Variants in SYNPR observed in about 807,000 individuals in gnomAD.
SYNPR encodes synaptoporin.
Under a neutral mutation model 32.9 loss-of-function variants are expected in SYNPR, and 23 were observed. That is an observed-to-expected ratio of 0.70 (90% CI 0.50 to 0.99). The LOEUF (loss-of-function observed/expected upper bound fraction) is 0.99. Ranked by LOEUF, SYNPR falls within the 50% of genes least tolerant of loss-of-function variation. The pLI is 0.00. For missense variants in SYNPR, 318 were observed against 349.3 expected (o/e 0.91, Z 0.71); for synonymous variants, 146 against 135.9 (o/e 1.07, Z -0.52).
chr3:63,272,550 T>C (rs1369426490), intron 3 of SYNPR, among the ~76,000 whole-genome samples: 4 of 150,626 alleles, frequency 2.7e-5, no homozygotes, highest in African/African-American at 9.8e-5. Flanking sequence ...AAATTGTCCC[T>C]TGTGGTCTTA....
At chr3:63,504,901 G>A (rs1701557344) in intron 3 of SYNPR, among the ~76,000 whole-genome samples, 1 of 152,058 alleles carries the variant, frequency 6.6e-6, no homozygotes, top group Non-Finnish European at 1.5e-5. Context: ...GTGGACAGAG[G>A]GATGTAGGGG....
intron 4 of SYNPR, among the ~76,000 whole-genome samples, chr3:63,579,829 A>G (rs1004414889): frequency 4.0e-5 from 6 of 151,738 alleles, no homozygotes; most frequent in Non-Finnish European, 7.4e-5. Flanking sequence ...ACACACGCAC[A>G]CACACACAAA....
chr3:63,240,974 C>G (rs1314194241), intron 1 of SYNPR, among the ~76,000 whole-genome samples: 2 of 151,950 alleles, frequency 1.3e-5, no homozygotes, highest in Middle Eastern at 3.2e-3. Flanking sequence ...TCAGAAAGAC[C>G]AAGTTCTAAA....
chr3:63,469,000 A>AT (rs143247335), intron 2 of SYNPR, among the ~76,000 whole-genome samples: 4,267 of 152,010 alleles, frequency 0.028, 206 homozygotes, highest in African/African-American at 0.097. Flanking sequence ...TTATAGATCA[A>AT]TTTTTTTTCC....
intron 4 of SYNPR, among the ~76,000 whole-genome samples, chr3:63,559,234 C>T (rs1336040001): frequency 1.3e-5 from 2 of 151,944 alleles, no homozygotes; most frequent in Non-Finnish European, 2.9e-5. Context: ...CACCACCACA[C>T]TCAGCTAATT....
chr3:63,366,616 C>A (rs983066660), intron 2 of SYNPR, among the ~76,000 whole-genome samples: 3 of 152,270 alleles, frequency 2.0e-5, no homozygotes, highest in Middle Eastern at 3.4e-3. Flanking sequence ...TGACAGGTCA[C>A]CAATCCAGCT....
chr3:63,311,044 T>G (rs113849260), intron 2 of SYNPR, among the ~76,000 whole-genome samples: 1 of 152,042 alleles, frequency 6.6e-6, no homozygotes, highest in Non-Finnish European at 1.5e-5. Context: ...AAATCAGATA[T>G]GTCAAGTTGA....
chr3:63,429,641 G>C lies in SYNPR; in HGVS notation c.85-51191G>C, dbSNP rs1699956138. Reference sequence around the variant, plus strand: ...ATGTATAACTTGTTGACATCCTTGTGTTTTAAAATAGAGTTGATGGAAAAC... The same window carrying C: ...ATGTATAACTTGTTGACATCCTTGTCTTTTAAAATAGAGTTGATGGAAAAC... On this transcript the variant is annotated intron_variant, in intron 2 of 5. Transcript: ENST00000478300. 2.0e-5 allele frequency among the ~76,000 whole-genome samples: 3 copies of C among 152,202 alleles called. No homozygotes were observed. In the South Asian group the frequency reaches 6.2e-4, roughly 31 times the overall value.
intron 4 of SYNPR, among the ~76,000 whole-genome samples, chr3:63,601,199 G>A (rs569935210): frequency 5.9e-5 from 9 of 151,892 alleles, no homozygotes; most frequent in Non-Finnish European, 1.2e-4. Context: ...CTTGAACCTG[G>A]GAGGTGGAGG....
intron 2 of SYNPR, among the ~76,000 whole-genome samples, chr3:63,264,135 T>A (rs942147024): frequency 6.6e-5 from 10 of 152,142 alleles, no homozygotes; most frequent in Non-Finnish European, 1.5e-4. Flanking sequence ...TGTCTTCTTG[T>A]GATTAGTGTA....
chr3:63,226,672 A>G (rs1262693645), upstream of SYNPR, among the ~76,000 whole-genome samples: 1 of 152,184 alleles, frequency 6.6e-6, no homozygotes, highest in Admixed American at 6.5e-5. Flanking sequence ...GAGACAGAGA[A>G]TAGAATGATA....
At chr3:63,444,829 TC>T (rs1700244198) in intron 2 of SYNPR, among the ~76,000 whole-genome samples, 2 of 151,608 alleles carry the variant, frequency 1.3e-5, no homozygotes, top group South Asian at 2.1e-4. Flanking sequence ...AATACACTAA[TC>T]CCCCAAACCC....
intron 2 of SYNPR, among the ~76,000 whole-genome samples, chr3:63,456,264 A>C (rs1487215597): frequency 1.3e-5 from 2 of 152,070 alleles, no homozygotes; most frequent in African/African-American, 4.8e-5. Flanking sequence ...CTAGTGTCTA[A>C]TACATGGCAT....
At chr3:63,552,556 T>C (rs186046890) in intron 3 of SYNPR, among the ~76,000 whole-genome samples, 1 of 152,212 alleles carries the variant, frequency 6.6e-6, no homozygotes, top group East Asian at 1.9e-4. Context: ...AATAAGGAAC[T>C]TAAGGGGACT....
intron 3 of SYNPR, among the ~76,000 whole-genome samples, chr3:63,509,704 G>A (rs1023566150): frequency 1.3e-5 from 2 of 151,986 alleles, no homozygotes; most frequent in Non-Finnish European, 2.9e-5. Flanking sequence ...TAAATTGATA[G>A]TCCCCAGAAA....
intron 3 of SYNPR, among the ~76,000 whole-genome samples, chr3:63,531,603 C>G (rs1702113366): frequency 6.6e-6 from 1 of 152,166 alleles, no homozygotes; most frequent in African/African-American, 2.4e-5. Flanking sequence ...TATTGAGGGT[C>G]TAGACTTCAA....
intron 2 of SYNPR, among the ~76,000 whole-genome samples, chr3:63,350,096 C>T (rs1575606470): frequency 6.6e-6 from 1 of 152,054 alleles, no homozygotes; most frequent in Non-Finnish European, 1.5e-5. Context: ...ACTGTCTCAT[C>T]TACGACATTT....
At chr3:63,362,419 G>A (rs2087673714) in intron 2 of SYNPR, among the ~76,000 whole-genome samples, 1 of 152,042 alleles carries the variant, frequency 6.6e-6, no homozygotes, top group Admixed American at 6.6e-5. Context: ...CAGGCACCAT[G>A]TTAGGAAACA....
rs144981839 is a variant in SYNPR at position 63,438,669 on chromosome 3, T to C, written c.85-42163T>C. 1.1e-3 allele frequency among the ~76,000 whole-genome samples: 164 copies of C among 152,362 alleles called. No homozygotes were observed. In the Middle Eastern group the frequency reaches 0.014, roughly 13 times the overall value. On this transcript the variant is annotated intron_variant, in intron 2 of 5. Coordinates refer to ENST00000478300, the MANE Select transcript of SYNPR (RefSeq NM_001130003.2). ...AGAGGTCTAGAAAGTTCTGCTCTGA[T>C]TCTATATACCTGCTCACATCACAAT...
Sources: allele counts gnomAD v4.1 joint callset (sites outside exome capture counted in the v4.1 genomes callset), GRCh38; gene constraint gnomAD v4.1.1; transcripts MANE v1.5; gene names NCBI Gene and HGNC (gene_info 2026-07-23, HGNC 2026-07-21).